SIPA1L1: variants seen among roughly 807,000 people sequenced by gnomAD.
The protein encoded by SIPA1L1 is signal induced proliferation associated 1 like 1, also known as signal-induced proliferation-associated 1-like protein 1.
Under a neutral mutation model 162.7 loss-of-function variants are expected in SIPA1L1, and 26 were observed. That is an observed-to-expected ratio of 0.16 (90% CI 0.12 to 0.22). The LOEUF is 0.22. Among genes scored for constraint, SIPA1L1 ranks in the 10% least tolerant of loss-of-function variants. The probability of loss-of-function intolerance (pLI) is 1.00; values close to 1 mark genes in which losing one functional copy is unlikely to be tolerated. For synonymous variants in SIPA1L1, 829 were observed against 837.4 expected (o/e 0.99, Z 0.17); for missense variants, 1,874 against 2,241.0 (o/e 0.84, Z 3.31).
At chr14:71,504,031 C>G (rs2050455512) in intron 2 of SIPA1L1, 1 of 152,054 alleles carries the variant, frequency 6.6e-6, no homozygotes, top group African/African-American at 2.4e-5. Context: ...TCTCAAACTC[C>G]TGGCCTCAAG....
intron 2 of SIPA1L1, among the ~76,000 whole-genome samples, chr14:71,462,322 G>A (rs1022674218): frequency 2.0e-5 from 3 of 152,150 alleles, no homozygotes; most frequent in Non-Finnish European, 4.4e-5. Context: ...TCCACTTCAA[G>A]CACTAGTGGA....
At chr14:71,680,608 C>G (rs2045706362) in intron 12 of SIPA1L1, among the ~76,000 whole-genome samples, 1 of 151,956 alleles carries the variant, frequency 6.6e-6, no homozygotes, top group South Asian at 2.1e-4. Context: ...GATAGAGACA[C>G]AAAAAACCCT....
In SIPA1L1 at chr14:71,375,542, G is replaced by T. The variant is rs562318985; in HGVS notation, c.-465+54361G>T. Among the ~76,000 whole-genome samples, 3 of 152,072 alleles carry T rather than the reference G, an allele frequency of 2.0e-5. No individual in the cohort carries two copies. In the South Asian group the frequency reaches 6.2e-4, roughly 32 times the overall value. On this transcript the variant is annotated intron_variant, in intron 2 of 23. Coordinates refer to ENST00000381232, the MANE Select transcript of SIPA1L1 (RefSeq NM_001386936.1). ...AAATGATCATGTTCCACAAATAAGAGATTTTACTTCTTTATTTCCGATCTT... is the reference window on the plus strand; with the variant it reads ...AAATGATCATGTTCCACAAATAAGATATTTTACTTCTTTATTTCCGATCTT...
rs145985091 is a variant in SIPA1L1 at position 71,683,325 on chromosome 14, C to T, written c.3105-2037C>T. 1.8e-3 allele frequency among the ~76,000 whole-genome samples: 270 copies of T among 151,998 alleles called. 1 individual carries two copies. Among genetic ancestry groups the T allele is most frequent in the African/African-American group, 6.2e-3 (256 of 41,428 alleles). ...TGTACATGTGCTGGTTCCTAGCAGCCGACAGAAAGGGGCATAGATGGTGAT... is the reference window on the plus strand; with the variant it reads ...TGTACATGTGCTGGTTCCTAGCAGCTGACAGAAAGGGGCATAGATGGTGAT... On this transcript the variant is annotated intron_variant, in intron 12 of 23. Coordinates refer to ENST00000381232, the MANE Select transcript of SIPA1L1 (RefSeq NM_001386936.1).
chr14:71,468,018 G>A (rs1037154828), intron 2 of SIPA1L1, among the ~76,000 whole-genome samples: 2 of 148,922 alleles, frequency 1.3e-5, no homozygotes, highest in East Asian at 3.9e-4. Context: ...GTGTGTGTGT[G>A]TGTGTGTGTG....
rs1310593980 is a variant in SIPA1L1, at chr14:71,413,335, T to G, written c.-465+92154T>G. 2.0e-5 allele frequency among the ~76,000 whole-genome samples: 3 copies of G among 152,350 alleles called. No homozygotes were observed. The South Asian group carries it at 6.2e-4, about 32-fold the overall frequency. ...TGTTTTTTCTTCTATACATACAGCTTCCAGGGTGAGATCTTTGAGTAGCAG... is the reference window on the plus strand; with the variant it reads ...TGTTTTTTCTTCTATACATACAGCTGCCAGGGTGAGATCTTTGAGTAGCAG... On this transcript the variant is annotated intron_variant, in intron 2 of 23. Coordinates refer to ENST00000381232, the MANE Select transcript of SIPA1L1 (RefSeq NM_001386936.1).
intron 2 of SIPA1L1, among the ~76,000 whole-genome samples, chr14:71,338,130 G>A (rs1160305627): frequency 6.6e-6 from 1 of 152,024 alleles, no homozygotes; most frequent in African/African-American, 2.4e-5. Context: ...CTTCTTCATT[G>A]ATGTCTTGCT....
chr14:71,440,031 A>T (rs925405039), intron 2 of SIPA1L1, among the ~76,000 whole-genome samples: 3 of 152,022 alleles, frequency 2.0e-5, no homozygotes, highest in African/African-American at 7.3e-5. Flanking sequence ...TTCTGAACTT[A>T]TTTTTTGTTT....
chr14:71,608,115 C>CA (rs1430639650), intron 5 of SIPA1L1, among the ~76,000 whole-genome samples: 1 of 152,158 alleles, frequency 6.6e-6, no homozygotes, highest in Non-Finnish European at 1.5e-5. Context: ...ATGTGAGCAT[C>CA]AAGGCAATGA....
At chr14:71,333,254 T>A (rs886837779) in intron 2 of SIPA1L1, among the ~76,000 whole-genome samples, 1 of 152,190 alleles carries the variant, frequency 6.6e-6, no homozygotes, top group Non-Finnish European at 1.5e-5. Context: ...TGGTCATCTT[T>A]TATGTGTAGT....
At chr14:71,337,153 A>G (rs1274261215) in intron 2 of SIPA1L1, among the ~76,000 whole-genome samples, 2 of 151,984 alleles carry the variant, frequency 1.3e-5, no homozygotes, top group Non-Finnish European at 2.9e-5. Flanking sequence ...CGACATTCCT[A>G]TTTGGTCTCT....
At chr14:71,485,125 A>T (rs1595711068) in intron 2 of SIPA1L1, among the ~76,000 whole-genome samples, 1 of 152,234 alleles carries the variant, frequency 6.6e-6, no homozygotes, top group East Asian at 1.9e-4. Context: ...ACCAAATGAA[A>T]TGTGTGTCAC....
intron 14 of SIPA1L1, 44 bp downstream of exon 14, chr14:71,699,171 C>T: frequency 6.3e-7 from 1 of 1,580,570 alleles, no homozygotes; most frequent in South Asian, 1.1e-5. Flanking sequence ...CTGTTGGCAT[C>T]ATTTCTTTCA....
At chr14:71,457,457 C>T (rs549915582) in intron 2 of SIPA1L1, among the ~76,000 whole-genome samples, 26 of 151,844 alleles carry the variant, frequency 1.7e-4, no homozygotes, top group African/African-American at 6.3e-4. Flanking sequence ...TGTCACCACT[C>T]CTAGCTAATT....
At chr14:71,488,896 A>AC (rs1336268798) in intron 2 of SIPA1L1, among the ~76,000 whole-genome samples, 1 of 152,198 alleles carries the variant, frequency 6.6e-6, no homozygotes, top group Non-Finnish European at 1.5e-5. Flanking sequence ...GTTTTCCCAA[A>AC]CCATCTTAGT....
intron 2 of SIPA1L1, among the ~76,000 whole-genome samples, chr14:71,389,591 G>T (rs187688429): frequency 3.0e-4 from 46 of 152,264 alleles, no homozygotes; most frequent in Admixed American, 6.5e-4. Context: ...TCCCATTTCA[G>T]ATTTCCTGTA....
At chr14:71,487,268 G>A (rs1327675710) in intron 2 of SIPA1L1, among the ~76,000 whole-genome samples, 1 of 152,144 alleles carries the variant, frequency 6.6e-6, no homozygotes, top group Non-Finnish European at 1.5e-5. Flanking sequence ...CTCCTGGCTG[G>A]TTTAGTGGCT....
chr14:71,353,709 G>C (rs948478676), intron 2 of SIPA1L1, among the ~76,000 whole-genome samples: 4 of 152,078 alleles, frequency 2.6e-5, no homozygotes, highest in Admixed American at 2.6e-4. Flanking sequence ...ACTGTTGGTA[G>C]GTTTTCAATG....
chr14:71,614,578 T>G (rs936608809), intron 5 of SIPA1L1, among the ~76,000 whole-genome samples: 2 of 152,140 alleles, frequency 1.3e-5, no homozygotes, highest in Non-Finnish European at 2.9e-5. Context: ...ATTTGGGAAA[T>G]AATAGCAAGA....
Sources: allele counts gnomAD v4.1 joint callset (sites outside exome capture counted in the v4.1 genomes callset), GRCh38; gene constraint gnomAD v4.1.1; transcripts MANE v1.5; gene names NCBI Gene and HGNC (gene_info 2026-07-23, HGNC 2026-07-21).